NPLOC4: variants seen among roughly 807,000 people sequenced by gnomAD.
The protein encoded by NPLOC4 is nuclear protein localization protein 4 homolog.
A neutral mutation model predicts 80.6 loss-of-function variants in NPLOC4; 18 were observed. That is an observed-to-expected ratio of 0.22 (90% CI 0.15 to 0.33). The LOEUF (loss-of-function observed/expected upper bound fraction) is 0.33. NPLOC4 is among the 10% of genes least tolerant of loss of function. The pLI is 1.00. For missense variants in NPLOC4, 540 were observed against 786.1 expected, an observed-to-expected ratio of 0.69 and a Z score of 3.74; for synonymous variants, 313 against 301.5, an observed-to-expected ratio of 1.04 and a Z score of -0.39.
chr17:81,590,452 G>A (rs887227028), intron 11 of NPLOC4, among the ~76,000 whole-genome samples: 18 of 152,236 alleles, frequency 1.2e-4, no homozygotes, highest in Non-Finnish European at 1.9e-4. Flanking sequence ...GCCCACCGCT[G>A]CAGAAGTGTG....
chr17:81,563,542 C>T (rs1359673021), intron 16 of NPLOC4: 1 of 206,510 alleles, frequency 4.8e-6, no homozygotes, highest in South Asian at 6.0e-5. Context: ...TGCACTCCAG[C>T]CTAGGCAACA....
chr17:81,618,485 T>TG (rs200227739), intron 3 of NPLOC4, among the ~76,000 whole-genome samples: 44,092 of 144,400 alleles, frequency 0.31, 7,785 homozygotes, highest in East Asian at 0.71. Flanking sequence ...GGGAGGAAGG[T>TG]GGGGGGTCAG....
chr17:81,612,983 G>A lies in NPLOC4; in HGVS notation c.386+335C>T, dbSNP rs1003095705. 12 of 190,934 alleles carry A rather than the reference G, an allele frequency of 6.3e-5. No individual in the cohort carries two copies. The East Asian group carries it at 1.5e-3, about 24-fold the overall frequency. 11.8% of individuals were successfully genotyped at this position (190,934 alleles called of 1,614,324 possible). A position where few individuals can be genotyped will look rare whatever the true frequency, so the allele number is the denominator to read the frequency against. On this transcript the variant is annotated intron_variant, in intron 4 of 16. Coordinates refer to ENST00000331134, the MANE Select transcript of NPLOC4 (RefSeq NM_017921.4). ...TGCTGATTAACACCCCACTCTGCAC[G>A]GGAATCAGCATCTCCAGGGGACATC...
intron 14 of NPLOC4, among the ~76,000 whole-genome samples, chr17:81,568,439 C>T (rs986520876): frequency 8.5e-5 from 13 of 152,214 alleles, no homozygotes; most frequent in Non-Finnish European, 1.5e-4. Flanking sequence ...TGAAGAAAAC[C>T]TCATTATAGA....
intron 2 of NPLOC4, among the ~76,000 whole-genome samples, chr17:81,624,402 G>A (rs1049086775): frequency 5.9e-5 from 9 of 152,028 alleles, no homozygotes; most frequent in African/African-American, 1.9e-4. Context: ...TGGGCGACAA[G>A]AGTGAAACTC....
chr17:81,597,864 G>C (rs1365183244), intron 9 of NPLOC4, among the ~76,000 whole-genome samples: 2 of 151,562 alleles, frequency 1.3e-5, no homozygotes, highest in Non-Finnish European at 1.5e-5. Flanking sequence ...GGGAGGCCAA[G>C]ACGGTGGATC....
At chr17:81,595,883 G>T (rs1213646307) in intron 11 of NPLOC4, among the ~76,000 whole-genome samples, 3 of 152,140 alleles carry the variant, frequency 2.0e-5, no homozygotes, top group Non-Finnish European at 4.4e-5. Context: ...GCCTAGAGGA[G>T]AGCTCTGTGG....
chr17:81,622,072 T>A, intron 3 of NPLOC4, 94 bp downstream of exon 3: 2 of 827,436 alleles, frequency 2.4e-6, no homozygotes, highest in Non-Finnish European at 4.2e-6. Flanking sequence ...ATGAGTGGTG[T>A]GATGAGGAAA....
At position 81,574,830 on chromosome 17, in the gene NPLOC4, G is replaced by A. The variant is rs960006876; in HGVS notation, c.1282-2742C>T. Among the ~76,000 whole-genome samples, 5 of 152,024 alleles carry A rather than the reference G, an allele frequency of 3.3e-5. No individual in the cohort carries two copies. In the South Asian group the frequency reaches 6.2e-4, roughly 19 times the overall value. ...GGAGTTTGAGACCAGACTGGACAAC[G>A]TGGTGAAACTCCGTCTCTACAAGAC... On this transcript the variant is annotated intron_variant, in intron 12 of 16. Coordinates refer to ENST00000331134, the MANE Select transcript of NPLOC4 (RefSeq NM_017921.4).
At chr17:81,561,728 TG>T (rs2033855739) in intron 16 of NPLOC4, 1 of 152,210 alleles carries the variant, frequency 6.6e-6, no homozygotes, top group Admixed American at 6.5e-5. Flanking sequence ...ATTATAGGCG[TG>T]GACCACTCAC....
At chr17:81,584,700 C>A (rs2034529535) in intron 12 of NPLOC4, among the ~76,000 whole-genome samples, 2 of 152,066 alleles carry the variant, frequency 1.3e-5, no homozygotes, top group Non-Finnish European at 2.9e-5. Context: ...ATAGCAGTTG[C>A]TGGATACAAA....
Position 81,567,594 on chromosome 17 carries a change from C to A in NPLOC4, c.1450-61G>T. On this transcript the variant is annotated intron_variant, in intron 14 of 16. Coordinates refer to ENST00000331134, the MANE Select transcript of NPLOC4 (RefSeq NM_017921.4). This position sits in a 1 kb window ranked among gnomAD's most constrained non-coding sequence, Gnocchi z 4.5. Reference sequence around the variant, plus strand: ...AGTTCCCCAGTGCCAGACCCCGAAACAGAGCTGTTTCCTACTAAGACGCAA... The same window carrying A: ...AGTTCCCCAGTGCCAGACCCCGAAAAAGAGCTGTTTCCTACTAAGACGCAA... 1 of 1,025,158 alleles carries A rather than the reference C, an allele frequency of 9.8e-7. No homozygotes were observed. The highest frequency in any genetic ancestry group is 1.5e-6 in the Non-Finnish European group (1 of 665,976). The allele number at this position is 1,025,158 out of a possible 1,614,324, so 63.5% of individuals were successfully genotyped here.
chr17:81,617,042 G>A (rs2035512919), intron 3 of NPLOC4, among the ~76,000 whole-genome samples: 1 of 152,158 alleles, frequency 6.6e-6, no homozygotes. Context: ...AATGCAGGGG[G>A]CAGGGATACA....
At chr17:81,584,563 T>G (rs1406913908) in intron 12 of NPLOC4, among the ~76,000 whole-genome samples, 13 of 152,046 alleles carry the variant, frequency 8.6e-5, no homozygotes. Flanking sequence ...CTGTCATGAG[T>G]GCTGTTTGGG....
At position 81,619,086 on chromosome 17, in the gene NPLOC4, T is replaced by C. The variant is rs1431725994; in HGVS notation, c.209+3080A>G. On this transcript the variant is annotated intron_variant, in intron 3 of 16. Coordinates refer to ENST00000331134, the MANE Select transcript of NPLOC4 (RefSeq NM_017921.4). ...CACTGCGGAAGGCCGCAGGGTCCTC[T>C]GCCTAGGAAAACCAGAGACCTTTGT... is the stretch of plus-strand genomic sequence containing the variant. Among the ~76,000 whole-genome samples, 6 of 152,170 alleles carry C rather than the reference T, an allele frequency of 3.9e-5. 1 individual carries two copies. Among genetic ancestry groups the C allele is most frequent in the Admixed American group, 3.9e-4 (6 of 15,282 alleles).
rs919338691 is a variant in NPLOC4 at position 81,569,102 on chromosome 17, T to C, written c.1363A>G (p.Thr455Ala). ...VEYLIIDITT[T>A]FPKDPVYTFS... ...GTGTAAACTGGATCCTTGGGGAAAG[T>C]TGTTGTGATCTAATGAAGAAAAACA... The change falls in exon 14 of 17, where the codon ACT (threonine) becomes GCT (alanine). Residue 455 changes from threonine (T) to alanine (A), a missense_variant. By Grantham distance (58) the Thr-to-Ala change is moderately conservative. Transcript: ENST00000331134. 2.5e-6 allele frequency: 4 copies of C among 1,610,770 alleles called. No individual in the cohort carries two copies. The highest frequency in any genetic ancestry group is 3.4e-6 in the Non-Finnish European group (4 of 1,177,034).
At chr17:81,593,902 C>T (rs1375380926) in intron 11 of NPLOC4, among the ~76,000 whole-genome samples, 2 of 152,072 alleles carry the variant, frequency 1.3e-5, no homozygotes, top group African/African-American at 4.8e-5. Flanking sequence ...ATGCAGAATT[C>T]CCAGACCCTC....
rs1012668419 is a variant in NPLOC4 at position 81,559,517 on chromosome 17, C to T, written c.1670-101G>A. The T allele has an allele frequency of 3.1e-5, 40 of 1,290,178 alleles. 1 individual carries two copies. Among genetic ancestry groups the T allele is most frequent in the Middle Eastern group, 2.5e-4 (1 of 3,960 alleles). The allele number at this position is 1,290,178 out of a possible 1,614,324, so 79.9% of individuals were successfully genotyped here. A position where few individuals can be genotyped will look rare whatever the true frequency, so the allele number is the denominator to read the frequency against. ...GGGGCAGGCAGCTGAGAGCTCCCCG[C>T]CCCCAACATCCCACCCAGTGCTGGT... is the stretch of plus-strand genomic sequence containing the variant. On this transcript the variant is annotated intron_variant, in intron 16 of 16. Transcript: ENST00000331134.
intron 12 of NPLOC4, among the ~76,000 whole-genome samples, chr17:81,582,056 A>C (rs908926321): frequency 2.6e-5 from 4 of 152,108 alleles, no homozygotes; most frequent in Admixed American, 2.0e-4. Context: ...ACCAAAGAAC[A>C]CCCGAGGGGC....
Sources: gnomAD v4.1 joint callset for allele counts (sites outside exome capture counted in the v4.1 genomes callset) on GRCh38, gnomAD v4.1.1 for gene constraint, Gnocchi (gnomAD v3.1) non-coding constraint, MANE v1.5 for transcripts, NCBI Gene and HGNC (gene_info 2026-07-23, HGNC 2026-07-21) for gene names.